The following DRG2 variants were observed in gnomAD, a reference collection of about 807,000 sequenced individuals.
DRG2 encodes developmentally-regulated GTP-binding protein 2.
DRG2 carries 36 observed loss-of-function variants against 53.4 expected under a neutral mutation model. The ratio of observed to expected loss-of-function variants is 0.67; its 90% confidence interval spans 0.52 to 0.89. The LOEUF (loss-of-function observed/expected upper bound fraction) is 0.89. DRG2 is among the 40% of genes least tolerant of loss of function. The pLI, the probability that DRG2 is intolerant of heterozygous loss-of-function variation, is 0.00. For synonymous variants in DRG2, 167 were observed against 192.1 expected (o/e 0.87, Z 1.08); for missense variants, 342 against 481.2 (o/e 0.71, Z 2.71).
At chr17:18,104,967 G>C (rs1032274233) in intron 11 of DRG2, among the ~76,000 whole-genome samples, 1 of 152,194 alleles carries the variant, frequency 6.6e-6, no homozygotes, top group African/African-American at 2.4e-5. Context: ...TCAGCATGCT[G>C]CCTGGCTTTG....
intron 1 of DRG2, chr17:18,091,852 C>G (rs12950562): frequency 1.5e-4 from 23 of 151,914 alleles, no homozygotes; most frequent in African/African-American, 5.6e-4. Context: ...AGTGAGACTC[C>G]ATCTCAAAAA....
At chr17:18,091,124 T>G (rs2045327247) in intron 1 of DRG2, among the ~76,000 whole-genome samples, 2 of 152,210 alleles carry the variant, frequency 1.3e-5, no homozygotes, top group African/African-American at 4.8e-5. Context: ...AATAAGATCA[T>G]TTTCAGAGTC....
intron 1 of DRG2, 79 bp from the exon 2 acceptor site, chr17:18,093,734 G>A (rs1433567840): frequency 6.7e-7 from 1 of 1,503,060 alleles, no homozygotes; most frequent in African/African-American, 1.4e-5. Flanking sequence ...GCCAGCACTT[G>A]GCGACATGTG....
rs957644619 is a variant in DRG2, at chr17:18,107,269, G to C, written c.*29G>C. On this transcript the variant is annotated 3_prime_UTR_variant, in exon 13 of 13. Transcript: ENST00000225729. ...CGCCTGCCGGGCCTCCCGCCCACCT[G>C]CCTCGTCTCCCTGGGGAGGTGGTCC... The C allele has an allele frequency of 6.2e-7, 1 of 1,607,282 alleles. No homozygotes were observed. Among genetic ancestry groups the C allele is most frequent in the Admixed American group, 1.7e-5 (1 of 59,866 alleles).
chr17:18,095,549 C>T (rs1037508052), intron 2 of DRG2: 2 of 151,866 alleles, frequency 1.3e-5, no homozygotes, highest in African/African-American at 4.8e-5. Flanking sequence ...CATGCACCAC[C>T]CCGCCCGGCT....
At chr17:18,092,320 A>G (rs2045348577) in intron 1 of DRG2, among the ~76,000 whole-genome samples, 1 of 152,174 alleles carries the variant, frequency 6.6e-6, no homozygotes, top group Non-Finnish European at 1.5e-5. Flanking sequence ...TTTTTTAATT[A>G]GGCAGTCCTG....
At chr17:18,091,240 G>A (rs1019533614) in intron 1 of DRG2, among the ~76,000 whole-genome samples, 2 of 152,180 alleles carry the variant, frequency 1.3e-5, no homozygotes, top group African/African-American at 2.4e-5. Flanking sequence ...TATGCTAAGC[G>A]ATGTTCTTAG....
chr17:18,099,401 C>T lies in DRG2; in HGVS notation c.377-232C>T, dbSNP rs974195044. On this transcript the variant is annotated intron_variant, in intron 4 of 12. Coordinates refer to ENST00000225729, the MANE Select transcript of DRG2 (RefSeq NM_001388.5). This position sits in a 1 kb window ranked among gnomAD's most constrained non-coding sequence, Gnocchi z 4.4. Reference sequence around the variant, plus strand: ...GGCCCTGCCACATGGTAGGGGTGGGCGTAGGACAGCCGTTATTATCCTGTT... The same window carrying T: ...GGCCCTGCCACATGGTAGGGGTGGGTGTAGGACAGCCGTTATTATCCTGTT... The T allele has an allele frequency of 9.6e-6, 6 of 624,926 alleles. No homozygotes were observed. The highest frequency in any genetic ancestry group is 2.7e-5 in the East Asian group (1 of 36,414). The allele number at this position is 624,926 out of a possible 1,614,324, so 38.7% of individuals were successfully genotyped here.
chr17:18,093,338 A>C (rs1302384623), intron 1 of DRG2, among the ~76,000 whole-genome samples: 6 of 128,884 alleles, frequency 4.7e-5, no homozygotes, highest in Non-Finnish European at 9.7e-5. Context: ...TTTTTTTTTG[A>C]GATGGAGTTT....
At chr17:18,090,638 G>C (rs758177766) in intron 1 of DRG2, among the ~76,000 whole-genome samples, 1 of 151,600 alleles carries the variant, frequency 6.6e-6, no homozygotes, top group Non-Finnish European at 1.5e-5. Flanking sequence ...GACCTCAGTT[G>C]ATCCGCCCAC....
intron 1 of DRG2, among the ~76,000 whole-genome samples, chr17:18,090,407 T>TATATATATATATATATA (rs71155314): frequency 1.5e-4 from 3 of 19,922 alleles, no homozygotes; most frequent in African/African-American, 5.7e-4. Context: ...TATATATATA[T>TATATATATATATATATA]TTTTTTTTTT....
chr17:18,104,624 G>A lies in DRG2; in HGVS notation c.897G>A (p.Gln299=). The A allele has an allele frequency of 6.2e-7, 1 of 1,613,892 alleles. No homozygotes were observed. The highest frequency in any genetic ancestry group is 8.5e-7 in the Non-Finnish European group (1 of 1,180,020). The change falls in exon 11 of 13, where the codon CAG becomes CAA. Residue 299 remains glutamine (Q), a splice_region_variant and synonymous_variant. Coordinates refer to ENST00000225729, the MANE Select transcript of DRG2 (RefSeq NM_001388.5). The part of the protein sequence containing the change: ...LTCIYTKKRG[Q]RPDFTDAIIL... ...CGTTCTCCCCATCCTGCCCTGCAGA[G>A]AGGCCAGACTTCACAGACGCCATCA...
Position 18,104,589 on chromosome 17 carries a change from G to A in DRG2, c.896-34G>A, listed in dbSNP as rs377068181. The A allele has an allele frequency of 2.1e-5, 34 of 1,613,504 alleles. No individual in the cohort carries two copies. In the African/African-American group the frequency reaches 3.5e-4, roughly 16 times the overall value. ...ACAAGATGGCAGTGTGGGCCCTGAT[G>A]TGTGGCTGACGTTCTCCCCATCCTG... On this transcript the variant is annotated intron_variant, in intron 10 of 12. Coordinates refer to ENST00000225729, the MANE Select transcript of DRG2 (RefSeq NM_001388.5).
chr17:18,098,972 T>C lies in DRG2; in HGVS notation c.316-45T>C, dbSNP rs146872131. 8.3e-4 allele frequency: 1,335 copies of C among 1,608,814 alleles called. 3 individuals are homozygous for C. Among genetic ancestry groups the C allele is most frequent in the Non-Finnish European group, 9.9e-4 (1,168 of 1,175,634 alleles). On this transcript the variant is annotated intron_variant, in intron 3 of 12. Transcript: ENST00000225729. The surrounding 1 kb of genome is among the most constrained non-coding windows in gnomAD (Gnocchi z 4.1). ...CCAGATCCAGACAGGACCTTTCCAG[T>C]GGAGGCCCAGCCTTGCCTTACCTTT...
rs994776839 is a variant in DRG2, at chr17:18,103,934, C to A, written c.895+45C>A. On this transcript the variant is annotated intron_variant, in intron 10 of 12. Coordinates refer to ENST00000225729, the MANE Select transcript of DRG2 (RefSeq NM_001388.5). This position sits in a 1 kb window ranked among gnomAD's most constrained non-coding sequence, Gnocchi z 4.4. ...GCTGAAAAACAGGCTGAGCTTCATC[C>A]CTAGAAGGCTGCCAGGCCGGTGTGT... The A allele has an allele frequency of 6.3e-7, 1 of 1,592,046 alleles. No homozygotes were observed. Among genetic ancestry groups the A allele is most frequent in the Non-Finnish European group, 8.6e-7 (1 of 1,160,618 alleles).
At chr17:18,091,494 G>A (rs1488942568) in intron 1 of DRG2, among the ~76,000 whole-genome samples, 2 of 152,126 alleles carry the variant, frequency 1.3e-5, no homozygotes, top group Non-Finnish European at 2.9e-5. Flanking sequence ...GCGGAGGCAG[G>A]AGAATCTCTT....
Position 18,093,992 on chromosome 17 carries a change from G to A in DRG2, c.225+19G>A. 6.9e-6 allele frequency: 11 copies of A among 1,600,982 alleles called. No individual in the cohort carries two copies. The highest frequency in any genetic ancestry group is 9.4e-6 in the Non-Finnish European group (11 of 1,170,808). ...GGGTAAGGTCAGTGATGGTCAGTGTGGGCCTCGGGGAGGAAAGCAAGAAGT... is the reference window on the plus strand; with the variant it reads ...GGGTAAGGTCAGTGATGGTCAGTGTAGGCCTCGGGGAGGAAAGCAAGAAGT... On this transcript the variant is annotated intron_variant, in intron 2 of 12. Transcript: ENST00000225729.
chr17:18,100,358 C>A lies in DRG2; in HGVS notation c.468-5C>A, dbSNP rs771459365. On this transcript the variant is annotated splice_region_variant and splice_polypyrimidine_tract_variant and intron_variant, in intron 5 of 12. Coordinates refer to ENST00000225729, the MANE Select transcript of DRG2 (RefSeq NM_001388.5). The surrounding 1 kb of genome is among the most constrained non-coding windows in gnomAD (Gnocchi z 4.1). Reference sequence around the variant, plus strand: ...TGTGAGGGGCTTAAGGGGTACTCTTCCTAGGTCTCTGCTGGAGAAGGAGCT... The same window carrying A: ...TGTGAGGGGCTTAAGGGGTACTCTTACTAGGTCTCTGCTGGAGAAGGAGCT... 3.1e-6 allele frequency: 5 copies of A among 1,614,098 alleles called. No individual in the cohort carries two copies. Among genetic ancestry groups the A allele is most frequent in the Non-Finnish European group, 4.2e-6 (5 of 1,179,988 alleles).
At position 18,098,563 on chromosome 17, in the gene DRG2, G is replaced by T; in HGVS notation, c.315+204G>T. On this transcript the variant is annotated intron_variant, in intron 3 of 12. Coordinates refer to ENST00000225729, the MANE Select transcript of DRG2 (RefSeq NM_001388.5). This position sits in a 1 kb window ranked among gnomAD's most constrained non-coding sequence, Gnocchi z 4.1. Reference sequence around the variant, plus strand: ...AGATGCCTGGTGGGGCCTGGAACTAGGAGGTCAGGCCAGCATGTGGCTACT... The same window carrying T: ...AGATGCCTGGTGGGGCCTGGAACTATGAGGTCAGGCCAGCATGTGGCTACT... The T allele has an allele frequency of 1.9e-6, 1 of 534,198 alleles. No individual in the cohort carries two copies. 33.1% of individuals were successfully genotyped at this position (534,198 alleles called of 1,614,324 possible). A position where few individuals can be genotyped will look rare whatever the true frequency, so the allele number is the denominator to read the frequency against.
Sources: allele counts gnomAD v4.1 joint callset (sites outside exome capture counted in the v4.1 genomes callset), GRCh38; gene constraint gnomAD v4.1.1; non-coding constraint Gnocchi (gnomAD v3.1); transcripts MANE v1.5; gene names NCBI Gene and HGNC (gene_info 2026-07-23, HGNC 2026-07-21).